The following RAD54B variants were observed in gnomAD, a reference collection of about 807,000 sequenced individuals.
The protein encoded by RAD54B is DNA repair and recombination protein RAD54B.
RAD54B carries 78 observed loss-of-function variants against 95.8 expected under a neutral mutation model. The observed-to-expected ratio is 0.81, with a 90% CI of 0.68 to 0.98. RAD54B has a LOEUF of 0.98. Among genes scored for constraint, RAD54B ranks in the 50% least tolerant of loss-of-function variants. The pLI is 0.00. For synonymous variants in RAD54B, 328 were observed against 354.9 expected (o/e 0.92, Z 0.85); for missense variants, 957 against 1,056.6 (o/e 0.91, Z 1.31).
intron 3 of RAD54B, among the ~76,000 whole-genome samples, chr8:94,455,081 G>A (rs532978874): frequency 6.6e-5 from 10 of 152,140 alleles, no homozygotes; most frequent in South Asian, 2.1e-4. Flanking sequence ...CTTCACTACC[G>A]AATTTATTTA....
intron 3 of RAD54B, among the ~76,000 whole-genome samples, chr8:94,426,200 G>A (rs1000997407): frequency 1.9e-4 from 28 of 151,016 alleles, no homozygotes; most frequent in Admixed American, 7.9e-4. Flanking sequence ...CGATCCACCC[G>A]CCTCAGCCTC....
chr8:94,472,996 C>T (rs1478902228), intron 1 of RAD54B, among the ~76,000 whole-genome samples: 8 of 152,178 alleles, frequency 5.3e-5, no homozygotes, highest in Non-Finnish European at 1.2e-4. Context: ...AGAATCCCAA[C>T]TCTGCTACTT....
Position 94,378,326 on chromosome 8 carries a change from C to A in RAD54B, c.2369G>T (p.Gly790Val). ...TGTCTTGGTGAGGTCGACAACTGCC[C>A]CACAAAGACCTTGCTTACTGATCTG... The part of the protein sequence containing the change: ...QRQISKQGLC[G>V]AVVDLTKTSE... Residue 790 changes from glycine (G) to valine (V), a missense_variant, in exon 14 of 15, where the codon GGG becomes GTG. Coordinates refer to ENST00000336148, the MANE Select transcript of RAD54B (RefSeq NM_012415.3). The A allele has an allele frequency of 6.2e-7, 1 of 1,613,820 alleles. No homozygotes were observed.
chr8:94,390,430 G>T (rs913442397), intron 10 of RAD54B, among the ~76,000 whole-genome samples: 4 of 151,352 alleles, frequency 2.6e-5, no homozygotes, highest in Non-Finnish European at 5.9e-5. Flanking sequence ...AACGTGGGAG[G>T]TGGAGGTTGC....
At chr8:94,423,961 T>C (rs977766926) in intron 3 of RAD54B, among the ~76,000 whole-genome samples, 1 of 152,198 alleles carries the variant, frequency 6.6e-6, no homozygotes, top group East Asian at 1.9e-4. Context: ...GTAAAAAGAA[T>C]GTCTTCATCA....
intron 2 of RAD54B, 79 bp downstream of exon 2, chr8:94,467,326 G>T: frequency 7.9e-7 from 1 of 1,259,262 alleles, no homozygotes; most frequent in Non-Finnish European, 1.1e-6. Context: ...AGAAAATACT[G>T]TTAACTCTTT....
intron 2 of RAD54B, among the ~76,000 whole-genome samples, chr8:94,461,350 T>G (rs1330516693): frequency 1.3e-5 from 2 of 151,196 alleles, no homozygotes; most frequent in Non-Finnish European, 1.5e-5. Context: ...TTTTGTATTT[T>G]TAGTAGAGAC....
intron 8 of RAD54B, among the ~76,000 whole-genome samples, chr8:94,397,365 A>G (rs1424900564): frequency 6.6e-6 from 1 of 152,150 alleles, no homozygotes; most frequent in Non-Finnish European, 1.5e-5. Context: ...GTATTTCTAA[A>G]TTAAAAAGGT....
chr8:94,392,716 G>A (rs191270527), intron 9 of RAD54B, among the ~76,000 whole-genome samples: 1 of 144,326 alleles, frequency 6.9e-6, no homozygotes, highest in African/African-American at 2.6e-5. Flanking sequence ...TCCCACCTCA[G>A]CCTCCCAAGT....
chr8:94,374,555 A>T lies in RAD54B; in HGVS notation c.2516-2168T>A, dbSNP rs370727052. Reference sequence around the variant, plus strand: ...TGACAAGAGATACCTAAAACATAAGAACACAGAGAAATTTAAGGTAAACAG... The same window carrying T: ...TGACAAGAGATACCTAAAACATAAGTACACAGAGAAATTTAAGGTAAACAG... On this transcript the variant is annotated intron_variant, in intron 14 of 14. Transcript: ENST00000336148. 1.3e-3 allele frequency among the ~76,000 whole-genome samples: 192 copies of T among 152,308 alleles called. 2 individuals are homozygous for T. The highest frequency in any genetic ancestry group is 7.9e-3 in the South Asian group (38 of 4,828).
chr8:94,459,507 T>C (rs1323659355), intron 2 of RAD54B, among the ~76,000 whole-genome samples: 1 of 152,064 alleles, frequency 6.6e-6, no homozygotes, highest in Non-Finnish European at 1.5e-5. Flanking sequence ...TGAAAGCATA[T>C]TCCTGGAATT....
intron 8 of RAD54B, among the ~76,000 whole-genome samples, chr8:94,398,443 C>T (rs537963128): frequency 6.6e-6 from 1 of 152,038 alleles, no homozygotes; most frequent in South Asian, 2.1e-4. Context: ...ATATTTCCAC[C>T]CTATCAGTAT....
intron 3 of RAD54B, among the ~76,000 whole-genome samples, chr8:94,439,535 A>G (rs1233453559): frequency 6.6e-6 from 1 of 152,170 alleles, no homozygotes; most frequent in East Asian, 1.9e-4. Context: ...GGCCAAAGAC[A>G]CAGCCCTCAG....
intron 1 of RAD54B, 114 bp from the exon 2 acceptor site, chr8:94,467,669 T>G: frequency 9.7e-7 from 1 of 1,032,996 alleles, no homozygotes; most frequent in East Asian, 2.5e-5. Flanking sequence ...CTTATGGGCC[T>G]GCCTGGCCCC....
intron 2 of RAD54B, 36 bp from the exon 3 acceptor site, chr8:94,458,472 A>G: frequency 6.9e-7 from 1 of 1,454,336 alleles, no homozygotes; most frequent in Non-Finnish European, 9.2e-7. Flanking sequence ...ATCAGAACTC[A>G]AACCTAATTT....
chr8:94,399,527 T>C lies in RAD54B; in HGVS notation c.1265A>G (p.Asn422Ser). The C allele has an allele frequency of 6.2e-7, 1 of 1,613,364 alleles. No individual in the cohort carries two copies. The highest frequency in any genetic ancestry group is 2.2e-5 in the East Asian group (1 of 44,848). The change falls in exon 8 of 15, where the codon AAT (asparagine) becomes AGT (serine). Residue 422 changes from asparagine (N) to serine (S), a missense_variant. Asn to Ser is a conservative substitution (Grantham distance 46, BLOSUM62 1). Coordinates refer to ENST00000336148, the MANE Select transcript of RAD54B (RefSeq NM_012415.3). ...MLLRSLDQIK[N>S]IKFDLLICDE... ...ACAGATTAGAAGATCAAATTTTATATTCTTAATTTGATCCAGGGAACGAAG... is the reference window on the plus strand; with the variant it reads ...ACAGATTAGAAGATCAAATTTTATACTCTTAATTTGATCCAGGGAACGAAG...
At chr8:94,410,277 T>C (rs1811498481) in intron 4 of RAD54B, among the ~76,000 whole-genome samples, 1 of 152,198 alleles carries the variant, frequency 6.6e-6, no homozygotes, top group African/African-American at 2.4e-5. Context: ...ATGCTCCCAC[T>C]GCTTCCTGGG....
chr8:94,393,698 A>G lies in RAD54B; in HGVS notation c.1518+45T>C, dbSNP rs778352143. Reference sequence around the variant, plus strand: ...ATATGAAGTTATGGATGATTTCCTCAGACATACGGCTTTTTAAAAACCTAT... The same window carrying G: ...ATATGAAGTTATGGATGATTTCCTCGGACATACGGCTTTTTAAAAACCTAT... On this transcript the variant is annotated intron_variant, in intron 9 of 14. Transcript: ENST00000336148. The G allele has an allele frequency of 1.4e-5, 20 of 1,478,888 alleles. No individual in the cohort carries two copies. The East Asian group carries it at 4.6e-4, about 34-fold the overall frequency. The allele number at this position is 1,478,888 out of a possible 1,614,324, so 91.6% of individuals were successfully genotyped here.
chr8:94,384,688 T>A (rs1810828230), intron 11 of RAD54B, among the ~76,000 whole-genome samples: 1 of 152,234 alleles, frequency 6.6e-6, no homozygotes, highest in Non-Finnish European at 1.5e-5. Flanking sequence ...TACCACAATT[T>A]TTTTTTAAAG....
Sources: gnomAD v4.1 joint callset for allele counts (sites outside exome capture counted in the v4.1 genomes callset) on GRCh38, gnomAD v4.1.1 for gene constraint, MANE v1.5 for transcripts, NCBI Gene and HGNC (gene_info 2026-07-23, HGNC 2026-07-21) for gene names.